Variants in MAPT observed in about 807,000 individuals in gnomAD.
MAPT encodes the protein microtubule associated protein tau.
In MAPT, 34 loss-of-function variants were observed where a neutral mutation model predicts 67.9. The observed-to-expected ratio is 0.50, with a 90% CI of 0.38 to 0.67. The LOEUF is 0.67. Among genes scored for constraint, MAPT ranks in the 30% least tolerant of loss-of-function variants. The pLI, the probability that MAPT is intolerant of heterozygous loss-of-function variation, is 0.00. For missense variants in MAPT, 881 were observed against 1,115.2 expected (o/e 0.79, Z 2.99); for synonymous variants, 456 against 464.5 (o/e 0.98, Z 0.23).
chr17:45,988,623 A>AT (rs370197794), intron 6 of MAPT, among the ~76,000 whole-genome samples: 1 of 152,220 alleles, frequency 6.6e-6, no homozygotes, highest in Non-Finnish European at 1.5e-5. Flanking sequence ...TGAAAAAAAA[A>AT]GAAAAAGAGA....
In MAPT at chr17:46,010,262, G is replaced by A. The variant is rs575431052; in HGVS notation, c.1999-48G>A. 638 of 1,304,828 alleles carry A rather than the reference G, an allele frequency of 4.9e-4. 15 individuals carry two copies. The South Asian group carries it at 7.7e-3, about 16-fold the overall frequency. The allele number at this position is 1,304,828 out of a possible 1,614,324, so 80.8% of individuals were successfully genotyped here. A position where few individuals can be genotyped will look rare whatever the true frequency, so the allele number is the denominator to read the frequency against. ...TGGAGGCGTCCTTGCGAGCAAGCAG[G>A]CGGGTCCAGGGTGGCGTGTCACTCA... On this transcript the variant is annotated intron_variant, in intron 9 of 12. Transcript: ENST00000262410. This position sits in a 1 kb window ranked among gnomAD's most constrained non-coding sequence, Gnocchi z 4.7.
At chr17:45,961,016 A>G (rs186515764) in intron 1 of MAPT, among the ~76,000 whole-genome samples, 154 of 152,280 alleles carry the variant, frequency 1.0e-3, no homozygotes, top group East Asian at 7.1e-3. Flanking sequence ...AATCCAAAGA[A>G]CAAAACCACT....
At chr17:45,972,185 C>A (rs931397522) in intron 3 of MAPT, 1 of 671,374 alleles carries the variant, frequency 1.5e-6, no homozygotes, top group Non-Finnish European at 2.7e-6. Flanking sequence ...GACAGTCCCG[C>A]GCACAGCTCC....
chr17:45,961,119 A>G (rs1265563926), intron 1 of MAPT, among the ~76,000 whole-genome samples: 10 of 151,960 alleles, frequency 6.6e-5, no homozygotes. Context: ...TGCAGGGAGC[A>G]GAGATCGCGA....
intron 12 of MAPT, among the ~76,000 whole-genome samples, chr17:46,023,746 T>C (rs2076672860): frequency 6.6e-6 from 1 of 151,856 alleles, no homozygotes; most frequent in Non-Finnish European, 1.5e-5. Flanking sequence ...GAGGCTGAGG[T>C]GGGAGAATCA....
intron 1 of MAPT, among the ~76,000 whole-genome samples, chr17:45,926,956 T>TATATATATAC (rs1186022849): frequency 7.4e-5 from 8 of 108,214 alleles, no homozygotes; most frequent in Admixed American, 4.9e-4. Flanking sequence ...TACATATATG[T>TATATATATAC]GTATATATAT....
At chr17:45,918,716 A>T (rs1019951010) in intron 1 of MAPT, among the ~76,000 whole-genome samples, 1 of 152,228 alleles carries the variant, frequency 6.6e-6, no homozygotes, top group East Asian at 1.9e-4. Context: ...TCACATTACT[A>T]TAAAGACCTA....
At chr17:45,990,831 G>A (rs997422364) in intron 7 of MAPT, among the ~76,000 whole-genome samples, 4 of 152,126 alleles carry the variant, frequency 2.6e-5, no homozygotes, top group Non-Finnish European at 5.9e-5. Context: ...GCTGGGTAAC[G>A]GAACCCAGGG....
chr17:45,982,965 C>T lies in MAPT; in HGVS notation c.386C>T (p.Ser129Phe), dbSNP rs2073123616. ...CAGCCTGGACCCTGCGGAGAGGCCTCTGGGGTCTCTGGGCCGTGCCTCGGG... is the reference window on the plus strand; with the variant it reads ...CAGCCTGGACCCTGCGGAGAGGCCTTTGGGGTCTCTGGGCCGTGCCTCGGG... ...HVQPGPCGEA[S>F]GVSGPCLGEK... The change falls in exon 5 of 13, where the codon TCT becomes TTT. Residue 129 changes from serine (S) to phenylalanine (F), a missense_variant. By Grantham distance (155) the Ser-to-Phe change is radical (BLOSUM62 -2). This residue lies in a region of MAPT where 687 missense variants were observed against 766.1 expected (regional missense o/e 0.90). Transcript: ENST00000262410. 16 of 1,433,556 alleles carry T rather than the reference C, an allele frequency of 1.1e-5. No individual in the cohort carries two copies. Among genetic ancestry groups the T allele is most frequent in the Non-Finnish European group, 1.5e-5 (16 of 1,097,570 alleles). 88.8% of individuals were successfully genotyped at this position (1,433,556 alleles called of 1,614,324 possible).
At chr17:45,946,615 A>AAAAAAAAAATAT in intron 1 of MAPT, among the ~76,000 whole-genome samples, 113 of 100,382 alleles carry the variant, frequency 1.1e-3, no homozygotes, top group African/African-American at 4.9e-3. Context: ...AAAAAAAAAA[A>AAAAAAAAAATAT]ATATATATAT....
intron 4 of MAPT, among the ~76,000 whole-genome samples, chr17:45,981,295 C>T (rs2072923427): frequency 6.6e-6 from 1 of 152,086 alleles, no homozygotes; most frequent in Non-Finnish European, 1.5e-5. Context: ...ATGGGGTGTT[C>T]AAAGAGTTGG....
chr17:46,009,853 C>T (rs1258842531), intron 9 of MAPT, among the ~76,000 whole-genome samples: 6 of 152,176 alleles, frequency 3.9e-5, no homozygotes, highest in African/African-American at 1.4e-4. Context: ...TGAGAACAGC[C>T]GCAGGGAGTT....
At position 45,991,569 on chromosome 17, in the gene MAPT, A is replaced by G; in HGVS notation, c.1715A>G (p.Lys572Arg). 6.2e-7 allele frequency: 1 copy of G among 1,614,138 alleles called. No individual in the cohort carries two copies. The highest frequency in any genetic ancestry group is 8.5e-7 in the Non-Finnish European group (1 of 1,179,998). ...CCAGCAAAAACCCCGCCCGCTCCAA[A>G]GACACCACCCAGCTCTGGTAAGAAG... The part of the protein sequence containing the change: ...RIPAKTPPAP[K>R]TPPSSGEPPK... Residue 572 changes from lysine (K) to arginine (R), a missense_variant, in exon 8 of 13, where the codon AAG (lysine) becomes AGG (arginine). Physicochemically the swap from Lys to Arg is conservative, Grantham distance 26. Around this residue, in one of 6 missense-constraint regions of MAPT, gnomAD observed 687 missense variants for 766.1 expected, o/e 0.90. Coordinates refer to ENST00000262410, the MANE Select transcript of MAPT (RefSeq NM_001377265.1).
In MAPT at chr17:45,906,005, T is replaced by G. The variant is rs2064283190; in HGVS notation, c.-18+11319T>G. On this transcript the variant is annotated intron_variant, in intron 1 of 12. Transcript: ENST00000262410. This position sits in a 1 kb window ranked among gnomAD's most constrained non-coding sequence, Gnocchi z 4.3. The stretch of plus-strand genomic sequence containing the variant: ...CTTAGCGTCAGTCAGACGGTGCAGC[T>G]GGTTCCTAGGGGTGAGGGCTGAGCC... 6.6e-6 allele frequency among the ~76,000 whole-genome samples: 1 copy of G among 152,176 alleles called. No homozygotes were observed. Among genetic ancestry groups the G allele is most frequent in the Non-Finnish European group, 1.5e-5 (1 of 68,038 alleles).
chr17:45,993,657 G>T (rs754719179), intron 8 of MAPT, among the ~76,000 whole-genome samples: 1 of 152,092 alleles, frequency 6.6e-6, no homozygotes, highest in African/African-American at 2.4e-5. Flanking sequence ...CAAGTGATCC[G>T]CCCACCTCGG....
At chr17:45,901,302 T>C (rs1597824339) in intron 1 of MAPT, among the ~76,000 whole-genome samples, 1 of 152,210 alleles carries the variant, frequency 6.6e-6, no homozygotes, top group African/African-American at 2.4e-5. Context: ...GTGACCTGGC[T>C]TAGTACATCG....
chr17:46,024,752 A>C lies in MAPT; in HGVS notation c.*581A>C, dbSNP rs1271317545. On this transcript the variant is annotated 3_prime_UTR_variant, in exon 13 of 13. Transcript: ENST00000262410. ...GGGCAGAGGGGAGAGGAAGCACAAG[A>C]AGTGGGAGTGGGAGAGGAAGCCACG... 1 of 182,412 alleles carries C rather than the reference A, an allele frequency of 5.5e-6. No homozygotes were observed. The highest frequency in any genetic ancestry group is 1.2e-5 in the Non-Finnish European group (1 of 85,278). 11.3% of individuals were successfully genotyped at this position (182,412 alleles called of 1,614,324 possible).
rs919430897 is a variant in MAPT at position 45,915,287 on chromosome 17, G to A, written c.-18+20601G>A. ...GAGTGTGTATGTGTGTGGTGTGGGG[G>A]TGTGTGCTGTGTGAGCGTGTGTGAG... On this transcript the variant is annotated intron_variant, in intron 1 of 12. Coordinates refer to ENST00000262410, the MANE Select transcript of MAPT (RefSeq NM_001377265.1). The surrounding 1 kb of genome is among the most constrained non-coding windows in gnomAD (Gnocchi z 4.4). Among the ~76,000 whole-genome samples the A allele has an allele frequency of 6.6e-6, 1 of 151,360 alleles. No individual in the cohort carries two copies. The highest frequency in any genetic ancestry group is 1.5e-5 in the Non-Finnish European group (1 of 67,820).
intron 8 of MAPT, chr17:45,993,794 G>A: frequency 2.4e-6 from 2 of 837,216 alleles, no homozygotes; most frequent in Non-Finnish European, 4.0e-6. Context: ...CCTCCCCCTT[G>A]GGCCCCTCGA....
Sources: allele counts gnomAD v4.1 joint callset (sites outside exome capture counted in the v4.1 genomes callset), GRCh38; gene constraint gnomAD v4.1.1; regional missense constraint gnomAD v4.1.1; non-coding constraint Gnocchi (gnomAD v3.1); transcripts MANE v1.5; gene names NCBI Gene and HGNC (gene_info 2026-07-23, HGNC 2026-07-21).